CIT: variants seen among roughly 807,000 people sequenced by gnomAD.
CIT encodes citron Rho-interacting kinase.
Under a neutral mutation model 272.7 loss-of-function variants are expected in CIT, and 79 were observed. The ratio of observed to expected loss-of-function variants is 0.29; its 90% CI spans 0.24 to 0.35. The LOEUF (loss-of-function observed/expected upper bound fraction) is 0.35. CIT is among the 10% of genes least tolerant of loss of function. CIT has a pLI of 1.00. For missense variants in CIT, 1,909 were observed against 2,618.3 expected, an observed-to-expected ratio of 0.73 and a Z score of 5.91; for synonymous variants, 948 against 995.6, an observed-to-expected ratio of 0.95 and a Z score of 0.90.
chr12:119,772,668 G>T, intron 17 of CIT, 102 bp downstream of exon 17: 1 of 1,309,440 alleles, frequency 7.6e-7, no homozygotes, highest in Non-Finnish European at 1.0e-6. Context: ...AGGGAAAGCA[G>T]CTTTGGTCAA....
intron 3 of CIT, among the ~76,000 whole-genome samples, chr12:119,863,266 A>C (rs937693234): frequency 6.6e-6 from 1 of 151,892 alleles, no homozygotes; most frequent in Non-Finnish European, 1.5e-5. Context: ...CAGGAACAGA[A>C]AACCAAATAC....
chr12:119,766,030 T>C (rs1002258137), intron 19 of CIT, among the ~76,000 whole-genome samples: 5 of 152,134 alleles, frequency 3.3e-5, no homozygotes, highest in Admixed American at 2.6e-4. Flanking sequence ...AAATGTGGTA[T>C]ACGGACACAT....
chr12:119,701,493 T>C, intron 43 of CIT, 131 bp downstream of exon 43: 1 of 1,028,014 alleles, frequency 9.7e-7, no homozygotes, highest in African/African-American at 1.6e-5. Flanking sequence ...TTGGTGGTGC[T>C]GGAAGGACAT....
Position 119,697,544 on chromosome 12 carries a change from G to T in CIT, c.5882+115C>A. On this transcript the variant is annotated intron_variant, in intron 46 of 47. Coordinates refer to ENST00000392521, the MANE Select transcript of CIT (RefSeq NM_001206999.2). This position sits in a 1 kb window ranked among gnomAD's most constrained non-coding sequence, Gnocchi z 4.9. ...CAGATCGCAAACAAATGAATGGTTTGAGCTTAAGAACAAAGTGAAGATTGG... is the reference window on the plus strand; with the variant it reads ...CAGATCGCAAACAAATGAATGGTTTTAGCTTAAGAACAAAGTGAAGATTGG... 9.0e-7 allele frequency: 1 copy of T among 1,108,486 alleles called. No individual in the cohort carries two copies. Among genetic ancestry groups the T allele is most frequent in the Non-Finnish European group, 1.3e-6 (1 of 770,282 alleles). 68.7% of individuals were successfully genotyped at this position (1,108,486 alleles called of 1,614,324 possible).
intron 8 of CIT, among the ~76,000 whole-genome samples, chr12:119,823,995 T>C (rs1272384738): frequency 1.6e-5 from 2 of 123,630 alleles, no homozygotes; most frequent in Non-Finnish European, 3.1e-5. Flanking sequence ...GCCGATATTG[T>C]GCCACTGCAC....
At chr12:119,767,301 C>G (rs771858674) in intron 18 of CIT, 119 bp from the exon 19 acceptor site, 48 of 699,572 alleles carry the variant, frequency 6.9e-5, no homozygotes, top group Non-Finnish European at 1.1e-4. Context: ...TCATCTGGTC[C>G]TCCATTACTA....
At chr12:119,822,513 A>G (rs1478501127) in intron 9 of CIT, among the ~76,000 whole-genome samples, 1 of 152,202 alleles carries the variant, frequency 6.6e-6, no homozygotes, top group Non-Finnish European at 1.5e-5. Flanking sequence ...TTTTTGGAAG[A>G]AACTGTGTCA....
At chr12:119,787,489 TG>T (rs780953336) in intron 10 of CIT, among the ~76,000 whole-genome samples, 2 of 150,750 alleles carry the variant, frequency 1.3e-5, no homozygotes, top group South Asian at 2.1e-4. Context: ...CTCAGCACTT[TG>T]GGGGGCCGAG....
intron 23 of CIT, among the ~76,000 whole-genome samples, chr12:119,748,307 C>T (rs765379377): frequency 6.6e-6 from 1 of 152,208 alleles, no homozygotes; most frequent in Non-Finnish European, 1.5e-5. Context: ...CAGAGAGATA[C>T]TTTCTTTTGG....
At chr12:119,805,196 G>T (rs1280763428) in intron 9 of CIT, among the ~76,000 whole-genome samples, 2 of 152,194 alleles carry the variant, frequency 1.3e-5, no homozygotes, top group South Asian at 2.1e-4. Flanking sequence ...ATTTGCAGAT[G>T]ATACTAATAT....
At chr12:119,814,286 T>A (rs1190123257) in intron 9 of CIT, among the ~76,000 whole-genome samples, 1 of 152,280 alleles carries the variant, frequency 6.6e-6, no homozygotes. Context: ...TTGGCCTATT[T>A]TTTCTTACCA....
At chr12:119,791,276 T>C (rs954706848) in intron 10 of CIT, among the ~76,000 whole-genome samples, 19 of 152,040 alleles carry the variant, frequency 1.2e-4, no homozygotes, top group Non-Finnish European at 2.2e-4. Context: ...GAGCGGAACA[T>C]GTGAGATACA....
At chr12:119,817,581 C>A (rs1289073096) in intron 9 of CIT, among the ~76,000 whole-genome samples, 1 of 152,070 alleles carries the variant, frequency 6.6e-6, no homozygotes, top group African/African-American at 2.4e-5. Context: ...AAACTTCCCA[C>A]CATTTGGAGG....
In CIT at chr12:119,735,275, T is replaced by G. The variant is rs1171456905; in HGVS notation, c.3041A>C (p.Lys1014Thr). The change falls in exon 25 of 48, where the codon AAA becomes ACA. Residue 1014 changes from lysine to threonine, a missense_variant. Lys to Thr is a moderately conservative substitution (Grantham distance 78). Around this residue, in one of 8 missense-constraint regions of CIT, gnomAD observed 530 missense variants for 822.4 expected, o/e 0.64. Coordinates refer to ENST00000392521, the MANE Select transcript of CIT (RefSeq NM_001206999.2). ...GGCGCCAGAAGCCTCATCGAGTTGT[T>G]TGGACAAGTAGAAGTTTTGGTTGTT... Reference protein sequence around the residue: ...ELNNQNFYLSKQLDEASGAND... With the variant: ...ELNNQNFYLSTQLDEASGAND... 4 of 1,614,180 alleles carry G rather than the reference T, an allele frequency of 2.5e-6. No individual in the cohort carries two copies. Among genetic ancestry groups the G allele is most frequent in the African/African-American group, 1.3e-5 (1 of 75,034 alleles).
rs77988570 is a variant in CIT, at chr12:119,741,013, G to A, written c.2958+1398C>T. ...GGGGATATGTTCACCAGACGTAAGT[G>A]CTCACAGCCACCAAAGGCCTTGTGT... On this transcript the variant is annotated intron_variant, in intron 24 of 47. Coordinates refer to ENST00000392521, the MANE Select transcript of CIT (RefSeq NM_001206999.2). Among the ~76,000 whole-genome samples the A allele has an allele frequency of 6.6e-5, 10 of 152,276 alleles. No homozygotes were observed. In the East Asian group the frequency reaches 1.9e-3, roughly 29 times the overall value.
intron 24 of CIT, among the ~76,000 whole-genome samples, chr12:119,738,859 G>C (rs1409688596): frequency 6.7e-6 from 1 of 149,514 alleles, no homozygotes; most frequent in Non-Finnish European, 1.5e-5. Context: ...CCCCAGCCTG[G>C]GCAATAAGAG....
At chr12:119,854,333 A>AT (rs941425868) in intron 4 of CIT, among the ~76,000 whole-genome samples, 2 of 149,338 alleles carry the variant, frequency 1.3e-5, no homozygotes, top group African/African-American at 4.9e-5. Flanking sequence ...GGCCCACAAA[A>AT]TTTTTTTTTA....
chr12:119,754,367 G>A (rs1227803213), intron 22 of CIT, among the ~76,000 whole-genome samples: 4 of 152,200 alleles, frequency 2.6e-5, no homozygotes, highest in Non-Finnish European at 5.9e-5. Flanking sequence ...ACCATGTACA[G>A]GGTAAACACT....
intron 22 of CIT, among the ~76,000 whole-genome samples, chr12:119,754,258 C>G (rs1960647604): frequency 6.6e-6 from 1 of 152,178 alleles, no homozygotes; most frequent in Non-Finnish European, 1.5e-5. Context: ...TTTTAAAAGG[C>G]AGGACTGGCA....
Sources: allele counts gnomAD v4.1 joint callset (sites outside exome capture counted in the v4.1 genomes callset), GRCh38; gene constraint gnomAD v4.1.1; regional missense constraint gnomAD v4.1.1; non-coding constraint Gnocchi (gnomAD v3.1); transcripts MANE v1.5; gene names NCBI Gene and HGNC (gene_info 2026-07-23, HGNC 2026-07-21).